VPS26A: variants seen among roughly 807,000 people sequenced by gnomAD.
VPS26A encodes vacuolar protein sorting-associated protein 26A.
A neutral mutation model predicts 42.4 loss-of-function variants in VPS26A; 22 were observed. The ratio of observed to expected loss-of-function variants is 0.52; its 90% CI spans 0.37 to 0.74. The LOEUF (loss-of-function observed/expected upper bound fraction) is 0.74, where lower values mean the gene tolerates loss of function less well. Ranked by LOEUF, VPS26A falls within the 30% of genes least tolerant of loss-of-function variation. VPS26A has a pLI of 0.00. For missense variants in VPS26A, 276 were observed against 379.2 expected (o/e 0.73, Z 2.26); for synonymous variants, 110 against 123.5 (o/e 0.89, Z 0.73).
At chr10:69,167,742 C>CAAAAAAAAAAAAAAAAA (rs35974356) in intron 7 of VPS26A, among the ~76,000 whole-genome samples, 1 of 66,326 alleles carries the variant, frequency 1.5e-5, no homozygotes, top group Non-Finnish European at 2.8e-5. Context: ...GACTCCATCT[C>CAAAAAAAAAAAAAAAAA]AAAAAAAAAA....
chr10:69,133,457 C>T (rs916596073), intron 2 of VPS26A: 2 of 880,906 alleles, frequency 2.3e-6, no homozygotes, highest in Non-Finnish European at 1.5e-6. Context: ...GTATAACTTT[C>T]TAAAGGTTTT....
In VPS26A at chr10:69,162,501, T is replaced by C; in HGVS notation, c.647T>C (p.Ile216Thr). Residue 216 changes from isoleucine to threonine, a missense_variant, in exon 6 of 9, where the codon ATC (isoleucine) becomes ACC (threonine). Ile to Thr is a moderately conservative substitution (Grantham distance 89). Transcript: ENST00000263559. The part of the protein sequence containing the change: ...HMELQLIKKE[I>T]TGIGPSTTTE... Reference sequence around the variant, plus strand: ...GAGTTACAGCTGATCAAAAAAGAGATCACAGGAATTGGTAAGTTGAAAAGA... The same window carrying C: ...GAGTTACAGCTGATCAAAAAAGAGACCACAGGAATTGGTAAGTTGAAAAGA... The C allele has an allele frequency of 6.5e-7, 1 of 1,548,676 alleles. No individual in the cohort carries two copies. The highest frequency in any genetic ancestry group is 8.8e-7 in the Non-Finnish European group (1 of 1,136,434).
intron 1 of VPS26A, among the ~76,000 whole-genome samples, chr10:69,131,732 C>CA (rs141395294): frequency 0.043 from 6,319 of 147,614 alleles, 459 homozygotes; most frequent in African/African-American, 0.15. Flanking sequence ...GACTCTGTCT[C>CA]AAAAAAAAAA....
intron 2 of VPS26A, among the ~76,000 whole-genome samples, chr10:69,135,092 A>G (rs2132192321): frequency 6.6e-6 from 1 of 152,302 alleles, no homozygotes; most frequent in East Asian, 1.9e-4. Flanking sequence ...CTTTCTTTCT[A>G]GGGAGAGACT....
At chr10:69,129,080 G>A (rs7086064) in intron 1 of VPS26A, among the ~76,000 whole-genome samples, 27,007 of 149,978 alleles carry the variant, frequency 0.18, 2,818 homozygotes, top group Non-Finnish European at 0.23. Context: ...AAATGTGGAT[G>A]TCATAAGGAA....
At chr10:69,162,323 C>A in intron 5 of VPS26A, 83 bp from the exon 6 acceptor site, 1 of 674,176 alleles carries the variant, frequency 1.5e-6, no homozygotes, top group Non-Finnish European at 2.4e-6. Context: ...CTAAAGATGT[C>A]TATCAAAGTC....
intron 2 of VPS26A, among the ~76,000 whole-genome samples, chr10:69,152,173 C>T (rs962531249): frequency 3.9e-5 from 6 of 151,970 alleles, no homozygotes; most frequent in African/African-American, 7.3e-5. Flanking sequence ...GGTGCCACTG[C>T]GCTCCAGCCT....
chr10:69,127,093 ATTTTTT>A (rs71035057), intron 1 of VPS26A, among the ~76,000 whole-genome samples: 100 of 97,554 alleles, frequency 1.0e-3, no homozygotes, highest in African/African-American at 3.7e-3. Flanking sequence ...CACCCGGCCA[ATTTTTT>A]TTTTTTTTTT....
intron 1 of VPS26A, among the ~76,000 whole-genome samples, 153 bp downstream of exon 1, chr10:69,124,433 GA>G (rs1204865883): frequency 6.6e-6 from 1 of 152,156 alleles, no homozygotes; most frequent in Non-Finnish European, 1.5e-5. Flanking sequence ...CTGGGTCTGG[GA>G]AAAGCTGGCG....
chr10:69,170,002 T>C (rs1841782484), intron 8 of VPS26A: 1 of 152,240 alleles, frequency 6.6e-6, no homozygotes, highest in South Asian at 2.1e-4. Flanking sequence ...TGAATGAAGA[T>C]AGTAATTAGA....
At chr10:69,164,036 G>A (rs1194998970) in intron 6 of VPS26A, among the ~76,000 whole-genome samples, 4 of 151,308 alleles carry the variant, frequency 2.6e-5, no homozygotes, top group Admixed American at 6.6e-5. Context: ...CAAAGTGCTG[G>A]GATTACAAGC....
At chr10:69,160,127 T>TACACAC (rs71035066) in intron 5 of VPS26A, among the ~76,000 whole-genome samples, 3,194 of 148,396 alleles carry the variant, frequency 0.022, 46 homozygotes, top group African/African-American at 0.038. Flanking sequence ...ACATAATTTT[T>TACACAC]ACACACACAC....
chr10:69,135,435 T>G (rs192775238), intron 2 of VPS26A, among the ~76,000 whole-genome samples: 1 of 152,106 alleles, frequency 6.6e-6, no homozygotes, highest in Non-Finnish European at 1.5e-5. Flanking sequence ...TTAAAAAGAA[T>G]AGTTGGTGTT....
intron 2 of VPS26A, among the ~76,000 whole-genome samples, chr10:69,152,083 C>T (rs1841325404): frequency 6.6e-6 from 1 of 151,876 alleles, no homozygotes; most frequent in Non-Finnish European, 1.5e-5. Context: ...GTGGCATGTG[C>T]CTGTAATTTC....
At chr10:69,168,044 T>TA (rs1182732319) in intron 7 of VPS26A, among the ~76,000 whole-genome samples, 1 of 152,226 alleles carries the variant, frequency 6.6e-6, no homozygotes, top group Non-Finnish European at 1.5e-5. Context: ...ATACTATTGT[T>TA]ATTCCCCATT....
intron 2 of VPS26A, chr10:69,133,410 C>T: frequency 4.1e-6 from 2 of 493,672 alleles, no homozygotes; most frequent in South Asian, 2.8e-5. Context: ...TTTGTTTTTC[C>T]TTTAACATTA....
At chr10:69,155,253 T>G (rs1841408335) in intron 2 of VPS26A, among the ~76,000 whole-genome samples, 1 of 152,210 alleles carries the variant, frequency 6.6e-6, no homozygotes, top group Admixed American at 6.5e-5. Context: ...CTTTTAAGGT[T>G]AGGAATTATA....
intron 1 of VPS26A, among the ~76,000 whole-genome samples, chr10:69,130,187 C>G (rs1317188047): frequency 1.3e-5 from 2 of 152,110 alleles, no homozygotes; most frequent in East Asian, 3.9e-4. Context: ...AATTAACATT[C>G]AATAGGTATT....
At chr10:69,169,029 CTT>C (rs891644569) in intron 8 of VPS26A, among the ~76,000 whole-genome samples, 1 of 143,340 alleles carries the variant, frequency 7.0e-6, no homozygotes. Context: ...ATGGATATTG[CTT>C]TTTTTTTTTT....
Sources: allele counts gnomAD v4.1 joint callset (sites outside exome capture counted in the v4.1 genomes callset), GRCh38; gene constraint gnomAD v4.1.1; transcripts MANE v1.5; gene names NCBI Gene and HGNC (gene_info 2026-07-23, HGNC 2026-07-21).